PAMR1: variants seen among roughly 807,000 people sequenced by gnomAD.
PAMR1 encodes the protein inactive serine protease PAMR1.
In PAMR1, 88 loss-of-function variants were observed where a neutral mutation model predicts 81.8. That is an observed-to-expected ratio of 1.08 (90% CI 0.91 to 1.28). PAMR1 has a LOEUF of 1.28. Ranked by LOEUF, PAMR1 falls within the 50% of genes most tolerant of loss-of-function variation. PAMR1 has a pLI of 0.00. For synonymous variants in PAMR1, 336 were observed against 345.3 expected, an observed-to-expected ratio of 0.97 and a Z score of 0.30; for missense variants, 935 against 919.7, an observed-to-expected ratio of 1.02 and a Z score of -0.21.
chr11:35,454,372 G>A (rs979991980), intron 6 of PAMR1, among the ~76,000 whole-genome samples: 1 of 152,164 alleles, frequency 6.6e-6, no homozygotes, highest in African/African-American at 2.4e-5. Flanking sequence ...TGATGGATAT[G>A]GAAGTTTACA....
rs1421760520 is a variant in PAMR1 at position 35,494,205 on chromosome 11, T to A, written c.141A>T (p.Glu47Asp). Residue 47 changes from glutamate to aspartate, a missense_variant, in exon 2 of 11, where the codon GAA (glutamate) becomes GAT (aspartate). Glu to Asp is a conservative substitution (Grantham distance 45). Transcript: ENST00000619888. ...EWNIMCRECCEYDQIECVCPG... is the reference protein window; with the variant it reads ...EWNIMCRECCDYDQIECVCPG... The stretch of plus-strand genomic sequence containing the variant: ...GGCAGACGCACTCAATCTGATCATA[T>A]TCACAGCACTCCCGACACATGATAT... 1 of 1,614,122 alleles carries A rather than the reference T, an allele frequency of 6.2e-7. No homozygotes were observed. The highest frequency in any genetic ancestry group is 1.7e-5 in the Admixed American group (1 of 60,030).
chr11:35,475,623 G>C (rs1204563912), intron 3 of PAMR1, among the ~76,000 whole-genome samples: 1 of 152,170 alleles, frequency 6.6e-6, no homozygotes, highest in East Asian at 1.9e-4. Context: ...TCTTGAAGTG[G>C]CTCTATGGAA....
intron 1 of PAMR1, among the ~76,000 whole-genome samples, chr11:35,519,277 T>A (rs1255744474): frequency 2.6e-5 from 4 of 152,084 alleles, no homozygotes; most frequent in African/African-American, 4.8e-5. Flanking sequence ...TGAGTCTCCA[T>A]CCCCTGCAAT....
At chr11:35,445,330 A>G (rs144143217) in intron 6 of PAMR1, among the ~76,000 whole-genome samples, 1 of 152,110 alleles carries the variant, frequency 6.6e-6, no homozygotes, top group Non-Finnish European at 1.5e-5. Flanking sequence ...AATACACTTT[A>G]TTTCTTTCTC....
chr11:35,476,986 A>G (rs1184467500), intron 3 of PAMR1, among the ~76,000 whole-genome samples: 1 of 152,122 alleles, frequency 6.6e-6, no homozygotes, highest in African/African-American at 2.4e-5. Context: ...ATATGATTGC[A>G]CCACTGCACT....
At chr11:35,502,004 A>T (rs1850855420) in intron 1 of PAMR1, among the ~76,000 whole-genome samples, 1 of 152,140 alleles carries the variant, frequency 6.6e-6, no homozygotes, top group African/African-American at 2.4e-5. Flanking sequence ...ACCTCCATAC[A>T]GTTTTCCATA....
At chr11:35,525,972 G>A, upstream of PAMR1, 2 of 234,444 alleles carry the variant, frequency 8.5e-6, no homozygotes, top group Non-Finnish European at 1.7e-5. Flanking sequence ...GCTGCGGGGC[G>A]CTCAGGTGAG....
intron 1 of PAMR1, among the ~76,000 whole-genome samples, chr11:35,514,148 C>T (rs1029301359): frequency 6.6e-5 from 10 of 152,052 alleles, no homozygotes; most frequent in African/African-American, 2.2e-4. Context: ...CCTACAGCCT[C>T]GAGAGGATGG....
At chr11:35,521,485 G>C (rs1359578846) in intron 1 of PAMR1, among the ~76,000 whole-genome samples, 1 of 152,078 alleles carries the variant, frequency 6.6e-6, no homozygotes, top group Non-Finnish European at 1.5e-5. Context: ...CCCTAGAGAG[G>C]ATCCAGCCTA....
intron 3 of PAMR1, among the ~76,000 whole-genome samples, chr11:35,483,425 C>T (rs1279720191): frequency 6.6e-6 from 1 of 152,136 alleles, no homozygotes; most frequent in South Asian, 2.1e-4. Context: ...CTTGCACAGG[C>T]AAATTCCATT....
At chr11:35,478,618 A>G (rs563061191) in intron 3 of PAMR1, among the ~76,000 whole-genome samples, 11 of 152,202 alleles carry the variant, frequency 7.2e-5, no homozygotes, top group Admixed American at 2.0e-4. Context: ...CTACTTGGAG[A>G]GCTGGCGAGG....
intron 1 of PAMR1, 113 bp downstream of exon 1, chr11:35,525,400 C>A: frequency 1.2e-6 from 1 of 835,158 alleles, no homozygotes; most frequent in Non-Finnish European, 2.0e-6. Context: ...TCACCCCAAA[C>A]ACACACAGCC....
chr11:35,523,364 T>C (rs1482979748), intron 1 of PAMR1, among the ~76,000 whole-genome samples: 2 of 152,234 alleles, frequency 1.3e-5, no homozygotes, highest in African/African-American at 4.8e-5. Flanking sequence ...TAAGTTTTCA[T>C]TCCCAAGAGT....
chr11:35,510,418 C>T (rs1281338950), intron 1 of PAMR1, among the ~76,000 whole-genome samples: 1 of 152,136 alleles, frequency 6.6e-6, no homozygotes, highest in Non-Finnish European at 1.5e-5. Context: ...TTTTACTGCC[C>T]TAAGAATTCT....
chr11:35,441,039 T>G (rs1856153701), intron 7 of PAMR1, among the ~76,000 whole-genome samples: 1 of 152,244 alleles, frequency 6.6e-6, no homozygotes, highest in Non-Finnish European at 1.5e-5. Flanking sequence ...TTAAACATCT[T>G]AACATCTTCA....
At chr11:35,524,432 T>G (rs966195743) in intron 1 of PAMR1, among the ~76,000 whole-genome samples, 1 of 152,218 alleles carries the variant, frequency 6.6e-6, no homozygotes, top group African/African-American at 2.4e-5. Flanking sequence ...GTTTCCCTTC[T>G]ACACAGGTTA....
At chr11:35,483,358 G>C (rs1464953353) in intron 3 of PAMR1, among the ~76,000 whole-genome samples, 1 of 152,284 alleles carries the variant, frequency 6.6e-6, no homozygotes, top group African/African-American at 2.4e-5. Flanking sequence ...AGCTTATAAA[G>C]CTGCAAGGTG....
chr11:35,434,583 C>T lies in PAMR1; in HGVS notation c.1555G>A (p.Asp519Asn). 6.2e-7 allele frequency: 1 copy of T among 1,614,090 alleles called. No individual in the cohort carries two copies. The highest frequency in any genetic ancestry group is 1.3e-5 in the African/African-American group (1 of 75,014). ...AATTTCCCCAAAACAACTTTCAGGT[C>T]TGCTGTCTTGATCATGGTGACCTTC... is the stretch of plus-strand genomic sequence containing the variant. ...LGKVTMIKTA[D>N]LKVVLGKFYR... Residue 519 changes from aspartate (D) to asparagine (N), a missense_variant, in exon 10 of 11, where the codon GAC becomes AAC. Asp to Asn is a conservative substitution (Grantham distance 23, BLOSUM62 1). Coordinates refer to ENST00000619888, the MANE Select transcript of PAMR1 (RefSeq NM_001001991.3).
At chr11:35,517,337 A>G (rs1004557614) in intron 1 of PAMR1, among the ~76,000 whole-genome samples, 1 of 152,172 alleles carries the variant, frequency 6.6e-6, no homozygotes, top group Non-Finnish European at 1.5e-5. Context: ...AGGACATCAG[A>G]CTTCCTACTC....
Sources: allele counts gnomAD v4.1 joint callset (sites outside exome capture counted in the v4.1 genomes callset), GRCh38; gene constraint gnomAD v4.1.1; transcripts MANE v1.5; gene names NCBI Gene and HGNC (gene_info 2026-07-23, HGNC 2026-07-21).